Variants in APOBEC3H observed in about 807,000 individuals in gnomAD.
APOBEC3H encodes apolipoprotein B mRNA editing enzyme catalytic subunit 3H, also known as DNA dC->dU-editing enzyme APOBEC-3H.
A neutral mutation model predicts 21.2 loss-of-function variants in APOBEC3H; 8 were observed. That is an observed-to-expected ratio of 0.38 (90% CI 0.22 to 0.68). The LOEUF is 0.68. Ranked by LOEUF, APOBEC3H falls within the 30% of genes least tolerant of loss-of-function variation. The pLI, the probability that APOBEC3H is intolerant of heterozygous loss-of-function variation, is 0.52. For missense variants in APOBEC3H, 229 were observed against 228.1 expected (o/e 1.00, Z -0.03); for synonymous variants, 88 against 91.0 (o/e 0.97, Z 0.19).
At position 39,101,356 on chromosome 22, in the gene APOBEC3H, G is replaced by T. The variant is rs1929314328; in HGVS notation, c.270G>T (p.Trp90Cys). The T allele has an allele frequency of 6.2e-6, 10 of 1,612,762 alleles. No homozygotes were observed. The highest frequency in any genetic ancestry group is 1.3e-5 in the African/African-American group (1 of 74,512). ...GGAGCCCCTGCTCCTCCTGTGCCTGGGAGCTGGTTGACTTCATCAAGGCTC... is the reference window on the plus strand; with the variant it reads ...GGAGCCCCTGCTCCTCCTGTGCCTGTGAGCTGGTTGACTTCATCAAGGCTC... ...LTWSPCSSCA[W>C]ELVDFIKAHD... Residue 90 changes from tryptophan to cysteine, a missense_variant, in exon 3 of 5, where the codon TGG (tryptophan) becomes TGT (cysteine). Trp to Cys is a radical substitution (Grantham distance 215). Coordinates refer to ENST00000442487, the MANE Select transcript of APOBEC3H (RefSeq NM_181773.5).
At position 39,101,466 on chromosome 22, in the gene APOBEC3H, G is replaced by T; in HGVS notation, c.380G>T (p.Cys127Phe). ...CAGCAGAAGGGGCTGCGGCTTCTGT[G>T]TGGATCCCAGGTCCCGGTGGAGGTC... The part of the protein sequence containing the change: ...KPQQKGLRLL[C>F]GSQVPVEVMG... Residue 127 changes from cysteine (C) to phenylalanine (F), a missense_variant, in exon 3 of 5, where the codon TGT becomes TTT. Transcript: ENST00000442487. 6.2e-7 allele frequency: 1 copy of T among 1,610,074 alleles called. No individual in the cohort carries two copies. The highest frequency in any genetic ancestry group is 8.5e-7 in the Non-Finnish European group (1 of 1,178,934).
chr22:39,099,579 C>G (rs139283), intron 1 of APOBEC3H, among the ~76,000 whole-genome samples: 85,655 of 152,104 alleles, frequency 0.56, 26,448 homozygotes, highest in African/African-American at 0.84. Flanking sequence ...CTCAGAGCAG[C>G]TCTGAGCCCA....
rs1256228313 is a variant in APOBEC3H, at chr22:39,100,539, C to A, written c.150+111C>A. 9 of 1,411,078 alleles carry A rather than the reference C, an allele frequency of 6.4e-6. No homozygotes were observed. The South Asian group carries it at 9.8e-5, about 15-fold the overall frequency. 87.4% of individuals were successfully genotyped at this position (1,411,078 alleles called of 1,614,324 possible). A position where few individuals can be genotyped will look rare whatever the true frequency, so the allele number is the denominator to read the frequency against. On this transcript the variant is annotated intron_variant, in intron 2 of 4. Transcript: ENST00000442487. The stretch of plus-strand genomic sequence containing the variant: ...AAATTTCTCAATTTTTGATGTAACA[C>A]CCTCTGTGTTTTCGTAACCCTTGGT...
Position 39,103,893 on chromosome 22 carries a change from C to A in APOBEC3H, c.*196C>A. The stretch of plus-strand genomic sequence containing the variant: ...CCTGGCCCCATCCAAGTACAGAAGA[C>A]CTTCCTTTCCTCCTTTTTCCATATT... On this transcript the variant is annotated 3_prime_UTR_variant, in exon 5 of 5. Transcript: ENST00000442487. 1 of 644,468 alleles carries A rather than the reference C, an allele frequency of 1.6e-6. No individual in the cohort carries two copies. The highest frequency in any genetic ancestry group is 2.8e-6 in the Non-Finnish European group (1 of 357,666). 39.9% of individuals were successfully genotyped at this position (644,468 alleles called of 1,614,324 possible). A position where few individuals can be genotyped will look rare whatever the true frequency, so the allele number is the denominator to read the frequency against.
chr22:39,101,538 A>G (rs763556997), intron 3 of APOBEC3H, 34 bp downstream of exon 3: 1 of 1,556,706 alleles, frequency 6.4e-7, no homozygotes, highest in Non-Finnish European at 8.7e-7. Context: ...TAAGAGTGCA[A>G]ACCCCCGGGG....
chr22:39,101,463 T>C lies in APOBEC3H; in HGVS notation c.377T>C (p.Leu126Pro). 6.2e-7 allele frequency: 1 copy of C among 1,610,148 alleles called. No individual in the cohort carries two copies. Among genetic ancestry groups the C allele is most frequent in the Non-Finnish European group, 8.5e-7 (1 of 1,179,100 alleles). Reference sequence around the variant, plus strand: ...CCCCAGCAGAAGGGGCTGCGGCTTCTGTGTGGATCCCAGGTCCCGGTGGAG... The same window carrying C: ...CCCCAGCAGAAGGGGCTGCGGCTTCCGTGTGGATCCCAGGTCCCGGTGGAG... The part of the protein sequence containing the change: ...CKPQQKGLRL[L>P]CGSQVPVEVM... Residue 126 changes from leucine to proline, a missense_variant, in exon 3 of 5, where the codon CTG becomes CCG. By Grantham distance (98) the Leu-to-Pro change is moderately conservative. Transcript: ENST00000442487.
At chr22:39,102,733 G>T in intron 4 of APOBEC3H, 1 of 589,288 alleles carries the variant, frequency 1.7e-6, no homozygotes, top group Non-Finnish European at 3.1e-6. Context: ...CAGGCACAGT[G>T]GCTCACGCCT....
In APOBEC3H at chr22:39,100,329, C is replaced by G. The variant is rs1196534900; in HGVS notation, c.51C>G (p.Arg17=). The stretch of plus-strand genomic sequence containing the variant: ...TCCGCTTACAGTTTAACAACAAGCG[C>G]CGCCTCAGAAGGCCTTACTACCCGA... The part of the protein sequence containing the change: ...ETFRLQFNNK[R]RLRRPYYPRK... Residue 17 remains arginine, a synonymous_variant, in exon 2 of 5, where the codon CGC becomes CGG. Transcript: ENST00000442487. 6 of 1,614,050 alleles carry G rather than the reference C, an allele frequency of 3.7e-6. No individual in the cohort carries two copies. In the South Asian group the frequency reaches 5.5e-5, roughly 15 times the overall value.
intron 4 of APOBEC3H, chr22:39,102,530 C>T: frequency 1.4e-6 from 1 of 718,498 alleles, no homozygotes; most frequent in Non-Finnish European, 2.6e-6. Flanking sequence ...GGTACGTGCG[C>T]AGGGTCGTTA....
intron 1 of APOBEC3H, among the ~76,000 whole-genome samples, chr22:39,099,610 C>G (rs772409659): frequency 6.6e-6 from 1 of 152,320 alleles, no homozygotes; most frequent in South Asian, 2.1e-4. Context: ...AAAGGCACAC[C>G]CACAGTTCTC....
At chr22:39,100,672 T>C in intron 2 of APOBEC3H, 1 of 511,284 alleles carries the variant, frequency 2.0e-6, no homozygotes, top group Non-Finnish European at 3.5e-6. Flanking sequence ...TTCTGTAGAA[T>C]GCTCCTTCTG....
In APOBEC3H at chr22:39,100,406, C is replaced by T. The variant is rs769176395; in HGVS notation, c.128C>T (p.Thr43Met). The change falls in exon 2 of 5, where the codon ACG becomes ATG. Residue 43 changes from threonine (T) to methionine (M), a missense_variant. Physicochemically the swap from Thr to Met is moderately conservative, Grantham distance 81 (BLOSUM62 -1). Coordinates refer to ENST00000442487, the MANE Select transcript of APOBEC3H (RefSeq NM_181773.5). ...QLTPQNGSTP[T>M]RGYFENKKKC... ...ACGCCGCAGAATGGCTCCACGCCCA[C>T]GAGAGGCTACTTTGAAAACAAGGTG... The T allele has an allele frequency of 3.1e-6, 5 of 1,613,848 alleles. No homozygotes were observed. The Admixed American group carries it at 5.0e-5, about 16-fold the overall frequency.
rs539789572 is a variant in APOBEC3H at position 39,100,296 on chromosome 22, C to T, written c.18C>T (p.Ala6=). 1.5e-5 allele frequency: 24 copies of T among 1,612,240 alleles called. 1 individual carries two copies. The highest frequency in any genetic ancestry group is 3.3e-4 in the Middle Eastern group (2 of 6,058). The change falls in exon 2 of 5, where the codon GCC becomes GCT. Residue 6 remains alanine (A), a synonymous_variant. Coordinates refer to ENST00000442487, the MANE Select transcript of APOBEC3H (RefSeq NM_181773.5). MALLT[A]ETFRLQFNNK... ...GAAACACGATGGCTCTGTTAACAGC[C>T]GAAACATTCCGCTTACAGTTTAACA...
chr22:39,097,266 T>C lies in APOBEC3H; in HGVS notation c.-85T>C, dbSNP rs868422615. ...GACCTTTTGTGACTTTTGGGAGAGCTGCCAAAAGTGAAACTTAGTGCCTCA... is the reference window on the plus strand; with the variant it reads ...GACCTTTTGTGACTTTTGGGAGAGCCGCCAAAAGTGAAACTTAGTGCCTCA... On this transcript the variant is annotated 5_prime_UTR_variant, in exon 1 of 5. Transcript: ENST00000442487. 6.6e-6 allele frequency: 1 copy of C among 152,052 alleles called. No individual in the cohort carries two copies. The highest frequency in any genetic ancestry group is 2.4e-5 in the African/African-American group (1 of 41,296). The allele number at this position is 152,052 out of a possible 1,614,324, so 9.4% of individuals were successfully genotyped here.
At chr22:39,098,888 G>A (rs968233273) in intron 1 of APOBEC3H, among the ~76,000 whole-genome samples, 2 of 152,168 alleles carry the variant, frequency 1.3e-5, no homozygotes, top group Non-Finnish European at 2.9e-5. Context: ...GGAGACAGGA[G>A]GTGAGCGCAT....
intron 2 of APOBEC3H, chr22:39,100,661 CTT>C: frequency 1.9e-6 from 1 of 532,204 alleles, no homozygotes; most frequent in Non-Finnish European, 3.3e-6. Flanking sequence ...GAGGCCAACC[CTT>C]CTGTAGAATG....
At chr22:39,102,174 G>GTGAGACCCT in intron 4 of APOBEC3H, 132 bp downstream of exon 4, 1 of 1,310,284 alleles carries the variant, frequency 7.6e-7, no homozygotes, top group Non-Finnish European at 1.0e-6. Context: ...TTTGAGACAG[G>GTGAGACCCT]GTCTCACTCT....
intron 2 of APOBEC3H, among the ~76,000 whole-genome samples, chr22:39,101,036 G>A (rs755496554): frequency 9.5e-4 from 144 of 152,202 alleles, no homozygotes; most frequent in Non-Finnish European, 1.9e-3. Context: ...ACACGGGTGC[G>A]TGAGTGCAGG....
intron 2 of APOBEC3H, 95 bp from the exon 3 acceptor site, chr22:39,101,142 C>A (rs1460943286): frequency 2.6e-5 from 10 of 380,510 alleles, no homozygotes; most frequent in Admixed American, 1.2e-4. Flanking sequence ...CTCTGCCCCC[C>A]CATCCCCGCC....
Sources: gnomAD v4.1 joint callset for allele counts (sites outside exome capture counted in the v4.1 genomes callset) on GRCh38, gnomAD v4.1.1 for gene constraint, MANE v1.5 for transcripts, NCBI Gene and HGNC (gene_info 2026-07-23, HGNC 2026-07-21) for gene names.